NCKAP5: variants seen among roughly 807,000 people sequenced by gnomAD.
The protein encoded by NCKAP5 is NCK associated protein 5.
A neutral mutation model predicts 167.0 loss-of-function variants in NCKAP5; 92 were observed. The ratio of observed to expected loss-of-function variants is 0.55; its 90% CI spans 0.47 to 0.66. NCKAP5 has a LOEUF of 0.66. Among genes scored for constraint, NCKAP5 ranks in the 30% least tolerant of loss-of-function variants. The probability of loss-of-function intolerance (pLI) is 0.00; values close to 1 mark genes in which losing one functional copy is unlikely to be tolerated. For synonymous variants in NCKAP5, 891 were observed against 877.4 expected (o/e 1.02, Z -0.27); for missense variants, 2,378 against 2,315.0 (o/e 1.03, Z -0.56).
At chr2:133,200,061 C>CTTTTTTTTTTTTTTTTT (rs70973417) in intron 5 of NCKAP5, among the ~76,000 whole-genome samples, 2 of 109,396 alleles carry the variant, frequency 1.8e-5, no homozygotes, top group Non-Finnish European at 3.6e-5. Context: ...TTTTTTCTTT[C>CTTTTTTTTTTTTTTTTT]TTTTTTTTTT....
At chr2:132,925,459 G>A (rs930854960) in intron 8 of NCKAP5, among the ~76,000 whole-genome samples, 9 of 151,648 alleles carry the variant, frequency 5.9e-5, no homozygotes, top group Admixed American at 2.6e-4. Flanking sequence ...CTACTCTGGA[G>A]GCTGAGGCAG....
chr2:133,570,309 T>C (rs1688817717), upstream of NCKAP5, among the ~76,000 whole-genome samples: 2 of 152,178 alleles, frequency 1.3e-5, no homozygotes, highest in Admixed American at 1.3e-4. Flanking sequence ...ATTTTTGTTA[T>C]TAGAAATAAT....
intron 4 of NCKAP5, among the ~76,000 whole-genome samples, chr2:133,217,797 C>T (rs1277992505): frequency 6.6e-6 from 1 of 152,134 alleles, no homozygotes; most frequent in Non-Finnish European, 1.5e-5. Flanking sequence ...ATATTACCAT[C>T]TTGCATTTAC....
chr2:133,372,612 T>C (rs984788633), intron 3 of NCKAP5, among the ~76,000 whole-genome samples: 10 of 152,216 alleles, frequency 6.6e-5, no homozygotes, highest in Non-Finnish European at 1.5e-4. Flanking sequence ...ACTTCAAAAC[T>C]ATTTGAGGGT....
chr2:133,050,171 T>G (rs2079552613), intron 6 of NCKAP5, among the ~76,000 whole-genome samples: 1 of 152,204 alleles, frequency 6.6e-6, no homozygotes, highest in South Asian at 2.1e-4. Context: ...TGTAAGCCAC[T>G]TGAGGATACA....
chr2:133,654,377 CAAAT>C, the NCKAP5 span, among the ~76,000 whole-genome samples: 11,828 of 146,700 alleles, frequency 0.081, 548 homozygotes, highest in African/African-American at 0.094. Flanking sequence ...GACTCTATCT[CAAAT>C]AAATAAATAA....
intron 3 of NCKAP5, among the ~76,000 whole-genome samples, chr2:133,304,177 C>T (rs1050658534): frequency 6.6e-5 from 10 of 152,176 alleles, no homozygotes; most frequent in East Asian, 1.9e-4. Context: ...ATATACTGCT[C>T]TTATAGAAAT....
chr2:133,538,513 C>T (rs1031967321), intron 2 of NCKAP5, among the ~76,000 whole-genome samples: 1 of 151,808 alleles, frequency 6.6e-6, no homozygotes, highest in East Asian at 1.9e-4. Context: ...TAGGTAAATT[C>T]CCTGGCATAT....
intron 16 of NCKAP5, among the ~76,000 whole-genome samples, chr2:132,764,612 C>T (rs1352740742): frequency 6.6e-6 from 1 of 152,104 alleles, no homozygotes; most frequent in East Asian, 1.9e-4. Flanking sequence ...CATCCTATTC[C>T]CCATCCAACC....
intron 3 of NCKAP5, among the ~76,000 whole-genome samples, chr2:133,374,331 T>C (rs1685997464): frequency 6.6e-6 from 1 of 152,236 alleles, no homozygotes; most frequent in Non-Finnish European, 1.5e-5. Flanking sequence ...AATTCAGTGT[T>C]TTCCAGGGGA....
intron 6 of NCKAP5, among the ~76,000 whole-genome samples, chr2:133,111,350 A>T (rs2081904344): frequency 6.6e-6 from 1 of 152,192 alleles, no homozygotes; most frequent in Non-Finnish European, 1.5e-5. Context: ...GGCTAAAACC[A>T]CACCTAATTA....
rs77072534 is a variant in NCKAP5, at chr2:133,089,676, T to C, written c.341+40302A>G. On this transcript the variant is annotated intron_variant, in intron 6 of 19. Coordinates refer to ENST00000409261, the MANE Select transcript of NCKAP5 (RefSeq NM_207363.3). ...CTTGTGTCTATACAAAAAACAGAGT[T>C]AGGTTCTAGACATTCATTTGTACAT... Among the ~76,000 whole-genome samples the C allele has an allele frequency of 2.1e-3, 318 of 152,338 alleles. 1 individual carries two copies. Among genetic ancestry groups the C allele is most frequent in the Non-Finnish European group, 4.0e-3 (274 of 68,014 alleles).
intron 3 of NCKAP5, among the ~76,000 whole-genome samples, chr2:133,443,844 G>A (rs1319544285): frequency 6.6e-6 from 1 of 152,132 alleles, no homozygotes; most frequent in Non-Finnish European, 1.5e-5. Context: ...ACCTTCACAA[G>A]TGACTTTTGA....
chr2:133,041,430 T>C (rs890423005), intron 6 of NCKAP5, among the ~76,000 whole-genome samples: 1 of 152,210 alleles, frequency 6.6e-6, no homozygotes, highest in African/African-American at 2.4e-5. Flanking sequence ...AGTTTTCATT[T>C]GTTGCACGAA....
chr2:132,796,509 A>G (rs999995075), intron 12 of NCKAP5, 119 bp downstream of exon 12: 22 of 594,112 alleles, frequency 3.7e-5, no homozygotes, highest in Non-Finnish European at 6.3e-5. Context: ...AAAGGAAGGT[A>G]TTTTTATCTG....
chr2:133,073,589 C>G (rs2080496182), intron 6 of NCKAP5, among the ~76,000 whole-genome samples: 1 of 152,144 alleles, frequency 6.6e-6, no homozygotes, highest in Non-Finnish European at 1.5e-5. Flanking sequence ...ATGTTCTAAG[C>G]CTAACCCGGC....
At chr2:133,092,707 T>A (rs557239581) in intron 6 of NCKAP5, among the ~76,000 whole-genome samples, 1 of 152,346 alleles carries the variant, frequency 6.6e-6, no homozygotes, top group East Asian at 1.9e-4. Context: ...TTCATTACAG[T>A]GGCCCTAGAA....
chr2:133,074,386 G>T (rs575268911), intron 6 of NCKAP5, among the ~76,000 whole-genome samples: 4 of 151,816 alleles, frequency 2.6e-5, no homozygotes, highest in Admixed American at 2.0e-4. Flanking sequence ...TTGAGACAGG[G>T]TCTCACTCTG....
intron 7 of NCKAP5, among the ~76,000 whole-genome samples, chr2:132,987,081 T>C (rs1383755276): frequency 1.3e-5 from 2 of 152,200 alleles, no homozygotes; most frequent in Non-Finnish European, 2.9e-5. Flanking sequence ...ATAAACTGCA[T>C]GCTTTTTGCC....
Sources: allele counts gnomAD v4.1 joint callset (sites outside exome capture counted in the v4.1 genomes callset), GRCh38; gene constraint gnomAD v4.1.1; transcripts MANE v1.5; gene names NCBI Gene and HGNC (gene_info 2026-07-23, HGNC 2026-07-21).